CAPS2: variants seen among roughly 807,000 people sequenced by gnomAD.
CAPS2 encodes the protein calcyphosine 2.
CAPS2 carries 98 observed loss-of-function variants against 86.5 expected under a neutral mutation model. The ratio of observed to expected loss-of-function variants is 1.13; its 90% CI spans 0.96 to 1.34. CAPS2 has a LOEUF of 1.34. Among genes scored for constraint, CAPS2 ranks in the 40% most tolerant of loss-of-function variants. The pLI, the probability that CAPS2 is intolerant of heterozygous loss-of-function variation, is 0.00. For synonymous variants in CAPS2, 210 were observed against 225.1 expected (o/e 0.93, Z 0.60); for missense variants, 729 against 686.8 (o/e 1.06, Z -0.69).
At chr12:75,353,631 C>A (rs1487023550) in intron 1 of CAPS2, among the ~76,000 whole-genome samples, 1 of 152,118 alleles carries the variant, frequency 6.6e-6, no homozygotes. Flanking sequence ...GGGACTCCTC[C>A]CTAACCATTT....
intron 4 of CAPS2, chr12:75,322,840 G>T (rs1226951370): frequency 3.5e-6 from 2 of 577,522 alleles, no homozygotes; most frequent in Admixed American, 6.1e-5. Flanking sequence ...TGTAAAACAA[G>T]TAAAAATTAT....
chr12:75,330,085 C>T (rs1235529362), upstream of CAPS2: 1 of 395,176 alleles, frequency 2.5e-6, no homozygotes, highest in South Asian at 9.8e-5. Flanking sequence ...GGCGCCGCAG[C>T]GCAGGGCTTC....
upstream of CAPS2, chr12:75,326,532 GA>G: frequency 7.1e-6 from 9 of 1,264,772 alleles, no homozygotes; most frequent in East Asian, 2.5e-5. Flanking sequence ...AGTATACTTT[GA>G]AAAAGGTAGA....
At chr12:75,388,960 G>C (rs1187669554) in intron 1 of CAPS2, among the ~76,000 whole-genome samples, 1 of 151,966 alleles carries the variant, frequency 6.6e-6, no homozygotes, top group Non-Finnish European at 1.5e-5. Context: ...TTAAAAAAGA[G>C]TCTATTTTTA....
At chr12:75,323,034 A>G (rs539898263) in exon 4 of CAPS2, 164 of 1,550,858 alleles carry the variant, frequency 1.1e-4, no homozygotes, top group Non-Finnish European at 1.4e-4. Context: ...AGCCAAGAGT[A>G]GAAGATGAAT....
At chr12:75,292,472 A>G (rs969602964) in intron 12 of CAPS2, among the ~76,000 whole-genome samples, 1 of 151,494 alleles carries the variant, frequency 6.6e-6, no homozygotes, top group East Asian at 1.9e-4. Context: ...TATTATTTTT[A>G]AAAGCCCCCT....
intron 1 of CAPS2, among the ~76,000 whole-genome samples, chr12:75,378,282 G>A (rs1375604821): frequency 6.6e-6 from 1 of 152,198 alleles, no homozygotes; most frequent in East Asian, 1.9e-4. Context: ...TTATAGGCAT[G>A]AGCCACTGCG....
intron 2 of CAPS2, among the ~76,000 whole-genome samples, chr12:75,323,721 C>T (rs987234355): frequency 6.6e-6 from 1 of 152,186 alleles, no homozygotes; most frequent in South Asian, 2.1e-4. Flanking sequence ...CCAGTCTGGG[C>T]AACAAGAGTG....
chr12:75,359,985 T>G (rs954402327), intron 1 of CAPS2: 1 of 152,176 alleles, frequency 6.6e-6, no homozygotes, highest in Non-Finnish European at 1.5e-5. Context: ...AACAAGCACC[T>G]TCTTCACAGT....
intron 1 of CAPS2, among the ~76,000 whole-genome samples, chr12:75,385,859 CACAA>C (rs764646379): frequency 7.9e-5 from 12 of 152,110 alleles, no homozygotes; most frequent in Non-Finnish European, 1.5e-4. Context: ...GTTTAGCACA[CACAA>C]ACAAATACTT....
intron 5 of CAPS2, among the ~76,000 whole-genome samples, chr12:75,320,547 G>T (rs1330747044): frequency 6.6e-6 from 1 of 152,014 alleles, no homozygotes; most frequent in Non-Finnish European, 1.5e-5. Flanking sequence ...TACTCTTTCA[G>T]CTAATCACTG....
rs183083221 is a variant in CAPS2 at position 75,369,601 on chromosome 12, T to G, written c.-395+21237A>C. ...TTACAGAAATGAATGAGATTGTTAA[T>G]GAGTTCTGCATACAAAAAATTCAAC... On this transcript the variant is annotated intron_variant, in intron 1 of 5. Transcript: ENST00000551829. 70 of 984,912 alleles carry G rather than the reference T, an allele frequency of 7.1e-5. No homozygotes were observed. In the African/African-American group the frequency reaches 1.1e-3, roughly 15 times the overall value. The allele number at this position is 984,912 out of a possible 1,614,324, so 61.0% of individuals were successfully genotyped here. A position where few individuals can be genotyped will look rare whatever the true frequency, so the allele number is the denominator to read the frequency against.
chr12:75,328,935 T>C (rs572983873), upstream of CAPS2, among the ~76,000 whole-genome samples: 34 of 152,320 alleles, frequency 2.2e-4, no homozygotes, highest in Non-Finnish European at 4.0e-4. Flanking sequence ...TTCGGATCTA[T>C]GGAATTAGAG....
At chr12:75,385,671 G>A (rs1274053087) in intron 1 of CAPS2, among the ~76,000 whole-genome samples, 1 of 152,148 alleles carries the variant, frequency 6.6e-6, no homozygotes, top group Non-Finnish European at 1.5e-5. Context: ...GTCTTTGTTT[G>A]CCGATGACAT....
At chr12:75,334,976 C>A, upstream of CAPS2, 1 of 1,406,340 alleles carries the variant, frequency 7.1e-7, no homozygotes. Flanking sequence ...ATTTCACGGA[C>A]TTAACTTGTA....
At chr12:75,284,909 A>T in intron 15 of CAPS2, 52 bp downstream of exon 15, 1 of 1,473,456 alleles carries the variant, frequency 6.8e-7, no homozygotes, top group South Asian at 1.3e-5. Flanking sequence ...AAAATACTGA[A>T]CCTAACAATC....
intron 1 of CAPS2, among the ~76,000 whole-genome samples, chr12:75,357,132 G>A (rs1040564635): frequency 3.3e-5 from 5 of 152,294 alleles, no homozygotes; most frequent in African/African-American, 9.6e-5. Flanking sequence ...TGCAGCTGCA[G>A]TGAACTATAA....
At chr12:75,384,952 T>C (rs2139841217) in intron 1 of CAPS2, among the ~76,000 whole-genome samples, 1 of 152,342 alleles carries the variant, frequency 6.6e-6, no homozygotes, top group Non-Finnish European at 1.5e-5. Context: ...CCCTCATGAA[T>C]GAACCAATAC....
chr12:75,292,530 A>G (rs771674840), intron 12 of CAPS2, among the ~76,000 whole-genome samples: 2 of 149,230 alleles, frequency 1.3e-5, no homozygotes, highest in African/African-American at 2.4e-5. Flanking sequence ...AGAAACACAG[A>G]CTTCCTTACA....
Sources: gnomAD v4.1 joint callset for allele counts (sites outside exome capture counted in the v4.1 genomes callset) on GRCh38, gnomAD v4.1.1 for gene constraint, MANE v1.5 for transcripts, NCBI Gene and HGNC (gene_info 2026-07-23, HGNC 2026-07-21) for gene names.